Variants in PCDHGA1 observed in about 807,000 individuals in gnomAD.
The protein encoded by PCDHGA1 is protocadherin gamma-A1.
PCDHGA1 carries 32 observed loss-of-function variants against 58.0 expected under a neutral mutation model. The observed-to-expected ratio is 0.55, with a 90% CI of 0.42 to 0.74. The LOEUF (loss-of-function observed/expected upper bound fraction) is 0.74. Among genes scored for constraint, PCDHGA1 ranks in the 30% least tolerant of loss-of-function variants. PCDHGA1 has a pLI of 0.00. For synonymous variants in PCDHGA1, 498 were observed against 501.1 expected (o/e 0.99, Z 0.08); for missense variants, 1,205 against 1,182.3 (o/e 1.02, Z -0.28).
In PCDHGA1 at chr5:141,487,260, C is replaced by T; in HGVS notation, c.2422-7547C>T. 6.2e-7 allele frequency: 1 copy of T among 1,614,116 alleles called. No homozygotes were observed. The highest frequency in any genetic ancestry group is 1.1e-5 in the South Asian group (1 of 91,080). On this transcript the variant is annotated intron_variant, in intron 1 of 3. Coordinates refer to ENST00000517417, the MANE Select transcript of PCDHGA1 (RefSeq NM_018912.3). The surrounding 1 kb of genome is among the most constrained non-coding windows in gnomAD (Gnocchi z 5.0). ...CGTCTAACCCTCTACTTGGCTGTGT[C>T]CCTAGTGGCAATTTGCTTTGTCTCC...
rs1266310917 is a variant in PCDHGA1 at position 141,486,868 on chromosome 5, G to A, written c.2422-7939G>A. 2 of 1,614,104 alleles carry A rather than the reference G, an allele frequency of 1.2e-6. No homozygotes were observed. Among genetic ancestry groups the A allele is most frequent in the Non-Finnish European group, 1.7e-6 (2 of 1,180,056 alleles). ...ACCTCAATGACAATGCTCCAGCTGT[G>A]CTCCGTCCTCGGGCCCGGCCTGGTT... On this transcript the variant is annotated intron_variant, in intron 1 of 3. Transcript: ENST00000517417. The surrounding 1 kb of genome is among the most constrained non-coding windows in gnomAD (Gnocchi z 5.0).
intron 1 of PCDHGA1, chr5:141,345,131 T>G: frequency 6.2e-7 from 1 of 1,613,990 alleles, no homozygotes; most frequent in South Asian, 1.1e-5. Context: ...GAAGAGAAAT[T>G]GCTCTTATCG....
At chr5:141,399,621 C>G (rs757586675) in intron 1 of PCDHGA1, 1 of 1,613,948 alleles carries the variant, frequency 6.2e-7, no homozygotes. Context: ...TGGCACTGGC[C>G]TCTTACGTGT....
chr5:141,417,618 G>A (rs370911891), intron 1 of PCDHGA1: 3 of 654,230 alleles, frequency 4.6e-6, no homozygotes, highest in Non-Finnish European at 7.4e-6. Context: ...CCAGTGCAGA[G>A]CAAGCGCTGA....
Position 141,432,405 on chromosome 5 carries a change from GC to G in PCDHGA1, c.2422-62400del. On this transcript the variant is annotated intron_variant, in intron 1 of 3. Coordinates refer to ENST00000517417, the MANE Select transcript of PCDHGA1 (RefSeq NM_018912.3). This position sits in a 1 kb window ranked among gnomAD's most constrained non-coding sequence, Gnocchi z 6.0. ...CCCCTCAGCAGCAACGTGTCGTTGA[GC>G]CTGTTCGTGCTGGACCAGAACGACA... The G allele has an allele frequency of 6.2e-7, 1 of 1,614,246 alleles. No individual in the cohort carries two copies. Among genetic ancestry groups the G allele is most frequent in the South Asian group, 1.1e-5 (1 of 91,084 alleles).
chr5:141,344,823 G>A, intron 1 of PCDHGA1: 1 of 1,613,936 alleles, frequency 6.2e-7, no homozygotes, highest in Non-Finnish European at 8.5e-7. Context: ...GCTGCTCACG[G>A]TGAATGCCAC....
Position 141,361,522 on chromosome 5 carries a change from G to C in PCDHGA1, c.2421+28417G>C. 13 of 1,614,054 alleles carry C rather than the reference G, an allele frequency of 8.1e-6. No individual in the cohort carries two copies. The highest frequency in any genetic ancestry group is 1.0e-5 in the Non-Finnish European group (12 of 1,179,900). On this transcript the variant is annotated intron_variant, in intron 1 of 3. Coordinates refer to ENST00000517417, the MANE Select transcript of PCDHGA1 (RefSeq NM_018912.3). ...GACTTCCTACATGGTTCACGTGGCA[G>C]AGAACAATCCTCCTGGCGCCTCTAT... is the stretch of plus-strand genomic sequence containing the variant.
In PCDHGA1 at chr5:141,337,655, G is replaced by A. The variant is rs1429127568; in HGVS notation, c.2421+4550G>A. Among the ~76,000 whole-genome samples the A allele has an allele frequency of 2.0e-5, 3 of 152,326 alleles. 1 individual carries two copies. Among genetic ancestry groups the A allele is most frequent in the Middle Eastern group, 6.8e-3 (2 of 294 alleles). ...GGGGAGTTGCTATTTAATAAGTACA[G>A]AGTTTCAGTTGGGGAGGATGAAAAA... On this transcript the variant is annotated intron_variant, in intron 1 of 3. Transcript: ENST00000517417.
chr5:141,490,004 C>A lies in PCDHGA1; in HGVS notation c.2422-4803C>A. The A allele has an allele frequency of 6.2e-7, 1 of 1,614,174 alleles. No homozygotes were observed. The highest frequency in any genetic ancestry group is 1.7e-5 in the Admixed American group (1 of 60,034). On this transcript the variant is annotated intron_variant, in intron 1 of 3. Transcript: ENST00000517417. The surrounding 1 kb of genome is among the most constrained non-coding windows in gnomAD (Gnocchi z 5.4). ...CTACGTGTGGGAATCCCAGAGAATGCACCCATTGGTACTCTGCTGCTCCGC... is the reference window on the plus strand; with the variant it reads ...CTACGTGTGGGAATCCCAGAGAATGAACCCATTGGTACTCTGCTGCTCCGC...
chr5:141,505,335 A>G, intron 2 of PCDHGA1, 58 bp from the exon 3 acceptor site: 1 of 1,611,086 alleles, frequency 6.2e-7, no homozygotes, highest in Non-Finnish European at 8.5e-7. Flanking sequence ...AGAGGACAGG[A>G]GGGGCATGAG....
At chr5:141,356,527 A>T in intron 1 of PCDHGA1, 1 of 1,614,104 alleles carries the variant, frequency 6.2e-7, no homozygotes, top group Non-Finnish European at 8.5e-7. Flanking sequence ...ACTGCAAGTG[A>T]TGGACATCAA....
At chr5:141,374,810 A>G in intron 1 of PCDHGA1, 1 of 1,613,952 alleles carries the variant, frequency 6.2e-7, no homozygotes, top group Non-Finnish European at 8.5e-7. Context: ...TCCAATGTTT[A>G]CTCAGCCTGT....
Position 141,476,072 on chromosome 5 carries a change from C to A in PCDHGA1, c.2422-18735C>A. 1.3e-6 allele frequency: 2 copies of A among 1,523,462 alleles called. No individual in the cohort carries two copies. The highest frequency in any genetic ancestry group is 1.3e-5 in the South Asian group (1 of 77,998). 94.4% of individuals were successfully genotyped at this position (1,523,462 alleles called of 1,614,324 possible). The stretch of plus-strand genomic sequence containing the variant: ...CGCTGAAAGTTTCTCAGCGAAATCT[C>A]AGGGACGATCTGGACCCCGCTGAGA... On this transcript the variant is annotated intron_variant, in intron 1 of 3. Coordinates refer to ENST00000517417, the MANE Select transcript of PCDHGA1 (RefSeq NM_018912.3). The surrounding 1 kb of genome is among the most constrained non-coding windows in gnomAD (Gnocchi z 7.6).
In PCDHGA1 at chr5:141,375,718, C is replaced by A. The variant is rs888006407; in HGVS notation, c.2421+42613C>A. 9 of 1,614,152 alleles carry A rather than the reference C, an allele frequency of 5.6e-6. No homozygotes were observed. Among genetic ancestry groups the A allele is most frequent in the African/African-American group, 1.3e-5 (1 of 74,952 alleles). ...GCGGGGACCCGCCTCTTAGCAGCAA[C>A]GTGTCACTGAGCCTGTTTGTGCTGG... On this transcript the variant is annotated intron_variant, in intron 1 of 3. Transcript: ENST00000517417.
rs1288507078 is a variant in PCDHGA1 at position 141,476,171 on chromosome 5, G to A, written c.2422-18636G>A. On this transcript the variant is annotated intron_variant, in intron 1 of 3. Transcript: ENST00000517417. This position sits in a 1 kb window ranked among gnomAD's most constrained non-coding sequence, Gnocchi z 7.6. ...GGTAAGCACCGGGAGGGTAGTGGGA[G>A]TTTTGCTTCTGCTTGGTGCCTTGAA... The A allele has an allele frequency of 1.2e-6, 2 of 1,613,442 alleles. No individual in the cohort carries two copies. The highest frequency in any genetic ancestry group is 1.7e-6 in the Non-Finnish European group (2 of 1,179,978).
At chr5:141,410,705 A>G (rs1462423983) in intron 1 of PCDHGA1, 1 of 1,460,780 alleles carries the variant, frequency 6.8e-7, no homozygotes, top group Non-Finnish European at 9.1e-7. Context: ...TTTCATATCT[A>G]GAATCATATG....
chr5:141,403,626 C>T, intron 1 of PCDHGA1: 1 of 1,613,910 alleles, frequency 6.2e-7, no homozygotes, highest in Non-Finnish European at 8.5e-7. Context: ...CGCTCCAGCA[C>T]AGTGCGCATC....
chr5:141,399,960 G>T, intron 1 of PCDHGA1: 1 of 1,612,214 alleles, frequency 6.2e-7, no homozygotes, highest in Non-Finnish European at 8.5e-7. Flanking sequence ...GCGAGCCCGG[G>T]CTCTTCAGCC....
chr5:141,393,939 T>C (rs1488586975), intron 1 of PCDHGA1: 2 of 1,613,856 alleles, frequency 1.2e-6, no homozygotes, highest in Non-Finnish European at 8.5e-7. Context: ...TGACCAAGAC[T>C]CTGGAAAGAA....
Sources: gnomAD v4.1 joint callset for allele counts (sites outside exome capture counted in the v4.1 genomes callset) on GRCh38, gnomAD v4.1.1 for gene constraint, Gnocchi (gnomAD v3.1) non-coding constraint, MANE v1.5 for transcripts, NCBI Gene and HGNC (gene_info 2026-07-23, HGNC 2026-07-21) for gene names.